HACD4: variants seen among roughly 807,000 people sequenced by gnomAD.
HACD4 encodes the protein 3-hydroxyacyl-CoA dehydratase 4.
In HACD4, 35 loss-of-function variants were observed where a neutral mutation model predicts 33.3. The ratio of observed to expected loss-of-function variants is 1.05; its 90% CI spans 0.80 to 1.39. The LOEUF is 1.39. Ranked by LOEUF, HACD4 falls within the 40% of genes most tolerant of loss-of-function variation. The pLI is 0.00. For synonymous variants in HACD4, 118 were observed against 98.0 expected, an observed-to-expected ratio of 1.20 and a Z score of -1.21; for missense variants, 323 against 276.5, an observed-to-expected ratio of 1.17 and a Z score of -1.19.
chr9:21,008,755 T>A lies in HACD4; in HGVS notation c.491-609A>T, dbSNP rs151216113. On this transcript the variant is annotated intron_variant, in intron 5 of 6. Coordinates refer to ENST00000495827, the MANE Select transcript of HACD4 (RefSeq NM_001010915.5). ...AAGTTCAGTAACATTGTATCCCATG[T>A]ATAGATATTTTTGGTAACATTTCAT... 1.8e-4 allele frequency among the ~76,000 whole-genome samples: 28 copies of A among 152,234 alleles called. 1 individual carries two copies. Among genetic ancestry groups the A allele is most frequent in the African/African-American group, 6.5e-4 (27 of 41,546 alleles).
At chr9:21,013,036 C>T (rs989614060) in intron 4 of HACD4, among the ~76,000 whole-genome samples, 4 of 143,478 alleles carry the variant, frequency 2.8e-5, no homozygotes, top group Admixed American at 7.3e-5. Context: ...CACTGGACTC[C>T]AGCCTGGGTG....
intron 4 of HACD4, among the ~76,000 whole-genome samples, chr9:21,014,079 G>A (rs2132777556): frequency 6.6e-6 from 1 of 152,256 alleles, no homozygotes; most frequent in South Asian, 2.1e-4. Flanking sequence ...ATTTTTCATA[G>A]ATGCTTTTTT....
At position 21,006,374 on chromosome 9, in the gene HACD4, G is replaced by C. The variant is rs1219626321; in HGVS notation, c.*663C>G. 1 of 152,840 alleles carries C rather than the reference G, an allele frequency of 6.5e-6. No individual in the cohort carries two copies. Among genetic ancestry groups the C allele is most frequent in the East Asian group, 1.9e-4 (1 of 5,210 alleles). The allele number at this position is 152,840 out of a possible 1,614,324, so 9.5% of individuals were successfully genotyped here. ...GGGAAGAGGGCCCTCACCAGAAACT[G>C]CATTAGCTGATGCCTTGATCCTGAG... On this transcript the variant is annotated 3_prime_UTR_variant, in exon 7 of 7. Coordinates refer to ENST00000495827, the MANE Select transcript of HACD4 (RefSeq NM_001010915.5). The surrounding 1 kb of genome is among the most constrained non-coding windows in gnomAD (Gnocchi z 4.6).
At chr9:21,019,780 G>A (rs1817857436) in intron 3 of HACD4, among the ~76,000 whole-genome samples, 2 of 152,012 alleles carry the variant, frequency 1.3e-5, no homozygotes, top group South Asian at 4.1e-4. Flanking sequence ...ACTCAACACT[G>A]TCTTTTATAG....
At chr9:21,019,028 C>A (rs1362566654) in intron 3 of HACD4, among the ~76,000 whole-genome samples, 1 of 152,088 alleles carries the variant, frequency 6.6e-6, no homozygotes, top group Non-Finnish European at 1.5e-5. Flanking sequence ...AACTCTCAAT[C>A]CTCTGAACTT....
chr9:21,029,547 A>T, intron 1 of HACD4, 149 bp from the exon 2 acceptor site: 1 of 475,576 alleles, frequency 2.1e-6, no homozygotes, highest in Non-Finnish European at 3.8e-6. Context: ...CCAAGTACAT[A>T]TCAGATTTTG....
chr9:21,024,826 TAGAAA>T (rs1818021786), intron 3 of HACD4, among the ~76,000 whole-genome samples: 2 of 152,130 alleles, frequency 1.3e-5, no homozygotes, highest in African/African-American at 4.8e-5. Context: ...AAAATACCAA[TAGAAA>T]ACATAACTGA....
At position 21,007,120 on chromosome 9, in the gene HACD4, C is replaced by G. The variant is rs1216006795; in HGVS notation, c.617-1G>C. On this transcript the variant is annotated splice_acceptor_variant, in intron 6 of 6. Transcript: ENST00000495827. LOFTEE classifies it high-confidence loss of function. ...AGATGACTGTAGGTAAAATACATAC[C>G]TAATATGGAGAAAGAAGTTGCAAAA... 1 of 1,450,158 alleles carries G rather than the reference C, an allele frequency of 6.9e-7. No homozygotes were observed. The allele number at this position is 1,450,158 out of a possible 1,614,324, so 89.8% of individuals were successfully genotyped here.
intron 6 of HACD4, among the ~76,000 whole-genome samples, 190 bp from the exon 7 acceptor site, chr9:21,007,309 A>C (rs964875794): frequency 6.6e-6 from 1 of 152,126 alleles, no homozygotes; most frequent in African/African-American, 2.4e-5. Flanking sequence ...AAACTCTTCC[A>C]TCCTACTTTT....
chr9:21,005,523 C>G lies in HACD4; in HGVS notation c.*1514G>C, dbSNP rs1842248480. 2 of 152,170 alleles carry G rather than the reference C, an allele frequency of 1.3e-5. No individual in the cohort carries two copies. Among genetic ancestry groups the G allele is most frequent in the South Asian group, 4.1e-4 (2 of 4,830 alleles). 9.4% of individuals were successfully genotyped at this position (152,170 alleles called of 1,614,324 possible). ...AGAATGAGGGAAGACTGTTGGACTT[C>G]TTGAATTTGGGACCATAGAGCTATT... On this transcript the variant is annotated 3_prime_UTR_variant, in exon 7 of 7. Transcript: ENST00000495827. The surrounding 1 kb of genome is among the most constrained non-coding windows in gnomAD (Gnocchi z 4.0).
At chr9:21,008,810 G>A (rs192107179) in intron 5 of HACD4, among the ~76,000 whole-genome samples, 20 of 152,278 alleles carry the variant, frequency 1.3e-4, no homozygotes, top group African/African-American at 4.8e-4. Context: ...CTAACATGAT[G>A]TAAGATGTTA....
rs1333687375 is a variant in HACD4 at position 21,001,239 on chromosome 9, G to A, written c.*5798C>T. 6 of 151,794 alleles carry A rather than the reference G, an allele frequency of 4.0e-5. No homozygotes were observed. Among genetic ancestry groups the A allele is most frequent in the African/African-American group, 1.5e-4 (6 of 41,344 alleles). The allele number at this position is 151,794 out of a possible 1,614,324, so 9.4% of individuals were successfully genotyped here. Reference sequence around the variant, plus strand: ...AACAAAATGGTAATATCAATATAGAGAAAATCTAAGACGATACAAAAAAGA... The same window carrying A: ...AACAAAATGGTAATATCAATATAGAAAAAATCTAAGACGATACAAAAAAGA... On this transcript the variant is annotated 3_prime_UTR_variant, in exon 7 of 7. Transcript: ENST00000495827.
intron 3 of HACD4, among the ~76,000 whole-genome samples, chr9:21,018,085 G>A (rs1185805971): frequency 1.3e-5 from 2 of 152,044 alleles, no homozygotes; most frequent in African/African-American, 2.4e-5. Context: ...CTCTATATTC[G>A]GTGTCAATCT....
intron 3 of HACD4, among the ~76,000 whole-genome samples, chr9:21,022,663 A>G (rs562812287): frequency 5.7e-4 from 86 of 150,376 alleles, no homozygotes; most frequent in Non-Finnish European, 9.5e-4. Context: ...CAAAACCACA[A>G]TGAGATACCA....
At position 21,008,039 on chromosome 9, in the gene HACD4, G is replaced by C. The variant is rs1008835980; in HGVS notation, c.598C>G (p.Leu200Val). 15 of 1,603,922 alleles carry C rather than the reference G, an allele frequency of 9.4e-6. No homozygotes were observed. Among genetic ancestry groups the C allele is most frequent in the Middle Eastern group, 1.7e-4 (1 of 6,048 alleles). The change falls in exon 6 of 7, where the codon CTC (leucine) becomes GTC (valine). Residue 200 changes from leucine to valine, a missense_variant. By Grantham distance (32) the Leu-to-Val change is conservative (BLOSUM62 1). Transcript: ENST00000495827. ...IYFPYVLKIY[L>V]MMLFIGMYFT... ...CACTTACCTATAAAGAGCATCATGA[G>C]ATATATTTTCAGCACATATGGGAAA...
At chr9:21,027,639 A>G (rs529240825) in intron 2 of HACD4, among the ~76,000 whole-genome samples, 1 of 152,296 alleles carries the variant, frequency 6.6e-6, no homozygotes, top group Admixed American at 6.5e-5. Flanking sequence ...TGAATTACAC[A>G]GCTCCGTGAA....
rs35012269 is a variant in HACD4 at position 21,000,496 on chromosome 9, G to T, written c.*6541C>A. On this transcript the variant is annotated 3_prime_UTR_variant, in exon 7 of 7. Coordinates refer to ENST00000495827, the MANE Select transcript of HACD4 (RefSeq NM_001010915.5). ...GTAGGATCCTGAGCTTATTCCCAGA[G>T]CTTCTGATTCAACTATCTTTAGTGG... 0.19 allele frequency: 29,597 copies of T among 152,014 alleles called. 3,473 individuals carry two copies. The highest frequency in any genetic ancestry group is 0.32 in the South Asian group (1,538 of 4,824). 9.4% of individuals were successfully genotyped at this position (152,014 alleles called of 1,614,324 possible).
At chr9:21,012,960 A>G (rs894598664) in intron 4 of HACD4, among the ~76,000 whole-genome samples, 4 of 151,604 alleles carry the variant, frequency 2.6e-5, no homozygotes, top group Admixed American at 1.3e-4. Flanking sequence ...CCAGCTACTC[A>G]GGAGGCTGAG....
At chr9:21,031,194 T>C (rs1054090985) in intron 1 of HACD4, among the ~76,000 whole-genome samples, 2 of 152,088 alleles carry the variant, frequency 1.3e-5, no homozygotes, top group African/African-American at 4.8e-5. Context: ...TGATAGGTGT[T>C]TCCACGGCTG....
Sources: allele counts gnomAD v4.1 joint callset (sites outside exome capture counted in the v4.1 genomes callset), GRCh38; gene constraint gnomAD v4.1.1; non-coding constraint Gnocchi (gnomAD v3.1); transcripts MANE v1.5; gene names NCBI Gene and HGNC (gene_info 2026-07-23, HGNC 2026-07-21).